TFDP2: variants seen among roughly 807,000 people sequenced by gnomAD.
TFDP2 encodes the protein transcription factor Dp-2.
A neutral mutation model predicts 59.3 loss-of-function variants in TFDP2; 17 were observed. That is an observed-to-expected ratio of 0.29 (90% CI 0.20 to 0.43). The LOEUF (loss-of-function observed/expected upper bound fraction) is 0.43. Ranked by LOEUF, TFDP2 falls within the 20% of genes least tolerant of loss-of-function variation. The pLI, the probability that TFDP2 is intolerant of heterozygous loss-of-function variation, is 1.00. For missense variants in TFDP2, 391 were observed against 528.8 expected (o/e 0.74, Z 2.56); for synonymous variants, 180 against 194.7 (o/e 0.92, Z 0.63).
intron 5 of TFDP2, among the ~76,000 whole-genome samples, chr3:141,994,037 T>C (rs1268302215): frequency 6.6e-6 from 1 of 152,224 alleles, no homozygotes; most frequent in Non-Finnish European, 1.5e-5. Context: ...AGGGTAACCT[T>C]TGATCTACAT....
chr3:142,148,125 A>C (rs2063238618), intron 1 of TFDP2, among the ~76,000 whole-genome samples: 1 of 152,044 alleles, frequency 6.6e-6, no homozygotes, highest in Admixed American at 6.6e-5. Context: ...CCCAGAAAAA[A>C]AAAAAAGTAG....
chr3:142,059,394 A>G (rs939426679), intron 3 of TFDP2, among the ~76,000 whole-genome samples: 1 of 152,174 alleles, frequency 6.6e-6, no homozygotes, highest in African/African-American at 2.4e-5. Context: ...AAAATAATCA[A>G]TGACCAATGG....
At chr3:142,089,262 G>T (rs2060920912) in intron 3 of TFDP2, among the ~76,000 whole-genome samples, 1 of 150,508 alleles carries the variant, frequency 6.6e-6, no homozygotes, top group South Asian at 2.1e-4. Flanking sequence ...GAACCCAATG[G>T]AAATTCTCGA....
In TFDP2 at chr3:142,020,848, A is replaced by G. The variant is rs76127583; in HGVS notation, c.83-15304T>C. ...AAAAATAATAAAATTACCCAGGTGT[A>G]GTGACACACACTTATGGTCCCAGCT... On this transcript the variant is annotated intron_variant, in intron 3 of 12. Transcript: ENST00000489671. Among the ~76,000 whole-genome samples, 167 of 151,844 alleles carry G rather than the reference A, an allele frequency of 1.1e-3. 1 individual carries two copies. Among genetic ancestry groups the G allele is most frequent in the African/African-American group, 3.8e-3 (158 of 41,408 alleles).
chr3:142,043,508 C>T (rs1947132656), intron 3 of TFDP2: 6 of 494,074 alleles, frequency 1.2e-5, no homozygotes, highest in Admixed American at 6.4e-5. Flanking sequence ...GGATTACAGG[C>T]GCATGCCACC....
intron 3 of TFDP2, among the ~76,000 whole-genome samples, chr3:142,037,639 G>A (rs1011872251): frequency 2.6e-5 from 4 of 152,146 alleles, no homozygotes; most frequent in Non-Finnish European, 4.4e-5. Flanking sequence ...TTTGTGGGGG[G>A]AAAAGTAATT....
intron 3 of TFDP2, among the ~76,000 whole-genome samples, chr3:142,037,653 T>C (rs1476350630): frequency 1.3e-5 from 2 of 152,192 alleles, no homozygotes; most frequent in Admixed American, 6.5e-5. Context: ...AGTAATTTAC[T>C]AGTTGTGGTT....
intron 10 of TFDP2, among the ~76,000 whole-genome samples, chr3:141,960,532 C>G (rs1268669528): frequency 2.0e-5 from 3 of 152,220 alleles, no homozygotes; most frequent in Non-Finnish European, 4.4e-5. Context: ...GCACCTTCAT[C>G]ATGGGCCTCA....
intron 3 of TFDP2, among the ~76,000 whole-genome samples, chr3:142,070,436 C>G (rs377238929): frequency 1.3e-5 from 2 of 152,174 alleles, no homozygotes; most frequent in South Asian, 4.1e-4. Context: ...TGCCACCAAG[C>G]CTGGCTAATT....
In TFDP2 at chr3:142,106,805, T is replaced by C. The variant is rs1358953616; in HGVS notation, c.-92-4964A>G. Among the ~76,000 whole-genome samples, 3 of 152,316 alleles carry C rather than the reference T, an allele frequency of 2.0e-5. No individual in the cohort carries two copies. In the East Asian group the frequency reaches 5.8e-4, roughly 29 times the overall value. ...TTTCAGACAATGCAACTCCCACAGA[T>C]GGTCTCAAAATGCAAGCCCTTTCCC... On this transcript the variant is annotated intron_variant, in intron 1 of 12. Transcript: ENST00000489671.
intron 1 of TFDP2, among the ~76,000 whole-genome samples, chr3:142,147,896 G>T (rs2063229373): frequency 6.6e-6 from 1 of 152,138 alleles, no homozygotes; most frequent in Admixed American, 6.5e-5. Flanking sequence ...ATCTGATAGT[G>T]ATAAAGTTTA....
chr3:142,111,851 C>T (rs967324816), intron 1 of TFDP2, among the ~76,000 whole-genome samples: 53 of 152,138 alleles, frequency 3.5e-4, no homozygotes, highest in Non-Finnish European at 5.6e-4. Flanking sequence ...AGATCACTTG[C>T]GCTCAGAAGT....
intron 1 of TFDP2, among the ~76,000 whole-genome samples, chr3:142,127,260 T>TGAGTCGC: frequency 6.7e-6 from 1 of 148,850 alleles, no homozygotes; most frequent in Non-Finnish European, 1.5e-5. Context: ...CTCAACCTTC[T>TGAGTCGC]GAGTCGCTAG....
chr3:142,063,366 T>C (rs1051133259), intron 3 of TFDP2, among the ~76,000 whole-genome samples: 33 of 152,218 alleles, frequency 2.2e-4, no homozygotes, highest in African/African-American at 7.7e-4. Flanking sequence ...ATATCAAGCA[T>C]TTTTAACTTT....
At chr3:142,000,123 GGT>G in intron 4 of TFDP2, 1 of 484,342 alleles carries the variant, frequency 2.1e-6, no homozygotes, top group Non-Finnish European at 3.7e-6. Flanking sequence ...GCTGTAACTG[GGT>G]GTCTTAGTCC....
At chr3:142,043,650 C>A in intron 3 of TFDP2, 1 of 933,700 alleles carries the variant, frequency 1.1e-6, no homozygotes, top group Non-Finnish European at 1.8e-6. Context: ...CCTCCTTAGA[C>A]AAAGTCTTGA....
intron 4 of TFDP2, among the ~76,000 whole-genome samples, chr3:142,002,688 T>A (rs1576656323): frequency 6.6e-6 from 1 of 152,172 alleles, no homozygotes; most frequent in Admixed American, 6.5e-5. Flanking sequence ...AGAGGCTTTT[T>A]CCAGCCTGTT....
chr3:142,128,633 C>A (rs1209298342), intron 1 of TFDP2, among the ~76,000 whole-genome samples: 1 of 148,284 alleles, frequency 6.7e-6, no homozygotes, highest in African/African-American at 2.5e-5. Flanking sequence ...ACAGGAGACA[C>A]CAAATTAACA....
At chr3:142,087,412 T>C (rs192457423) in intron 3 of TFDP2, among the ~76,000 whole-genome samples, 357 of 152,258 alleles carry the variant, frequency 2.3e-3, no homozygotes, top group African/African-American at 8.2e-3. Context: ...TATTATCTTA[T>C]GGGACCACCA....
Sources: allele counts gnomAD v4.1 joint callset (sites outside exome capture counted in the v4.1 genomes callset), GRCh38; gene constraint gnomAD v4.1.1; transcripts MANE v1.5; gene names NCBI Gene and HGNC (gene_info 2026-07-23, HGNC 2026-07-21).